The following CACNB4 variants were observed in gnomAD, a reference collection of about 807,000 sequenced individuals.
The protein encoded by CACNB4 is voltage-dependent L-type calcium channel subunit beta-4.
Under a neutral mutation model 71.2 loss-of-function variants are expected in CACNB4, and 32 were observed. That is an observed-to-expected ratio of 0.45 (90% CI 0.34 to 0.60). The LOEUF is 0.60. Ranked by LOEUF, CACNB4 falls within the 20% of genes least tolerant of loss-of-function variation. The probability of loss-of-function intolerance (pLI) is 0.01; values close to 1 mark genes in which losing one functional copy is unlikely to be tolerated. For synonymous variants in CACNB4, 231 were observed against 236.9 expected, an observed-to-expected ratio of 0.97 and a Z score of 0.23; for missense variants, 464 against 647.9, an observed-to-expected ratio of 0.72 and a Z score of 3.08.
intron 3 of CACNB4, 159 bp downstream of exon 3, chr2:151,883,092 C>T: frequency 1.5e-6 from 1 of 671,200 alleles, no homozygotes; most frequent in Non-Finnish European, 2.5e-6. Flanking sequence ...ATGTTACTAA[C>T]CTCACTTAGA....
intron 2 of CACNB4, among the ~76,000 whole-genome samples, chr2:152,053,390 C>T (rs972515775): frequency 9.2e-5 from 14 of 152,192 alleles, no homozygotes; most frequent in African/African-American, 2.9e-4. Flanking sequence ...GAGGGTGACA[C>T]GCCTGGAGAG....
At chr2:152,002,117 C>T (rs1560122828) in intron 2 of CACNB4, among the ~76,000 whole-genome samples, 1 of 152,218 alleles carries the variant, frequency 6.6e-6, no homozygotes, top group African/African-American at 2.4e-5. Flanking sequence ...AACAGCAATG[C>T]CGCACCTCCA....
chr2:152,042,773 C>T lies in CACNB4; in HGVS notation c.147+55557G>A, dbSNP rs144057757. 3.4e-4 allele frequency among the ~76,000 whole-genome samples: 52 copies of T among 152,088 alleles called. No homozygotes were observed. The East Asian group carries it at 5.2e-3, about 15-fold the overall frequency. On this transcript the variant is annotated intron_variant, in intron 2 of 13. Coordinates refer to ENST00000539935, the MANE Select transcript of CACNB4 (RefSeq NM_000726.5). ...GAATAGGAGCTGCGTAAAATAAGGC[C>T]GAGACCTACTGGGCTGCATTCCCAG...
rs575040562 is a variant in CACNB4, at chr2:151,892,537, A to AT, written c.148-9168dup. Reference sequence around the variant, plus strand: ...TATCTTTAAATAACTCTTTGGAATGATTTTTTTAAAAAACTGGCTAAAGTT... The same window carrying AT: ...TATCTTTAAATAACTCTTTGGAATGATTTTTTTTAAAAAACTGGCTAAAGTT... On this transcript the variant is annotated intron_variant, in intron 2 of 13. Coordinates refer to ENST00000539935, the MANE Select transcript of CACNB4 (RefSeq NM_000726.5). 1.7e-4 allele frequency among the ~76,000 whole-genome samples: 26 copies of AT among 152,240 alleles called. No homozygotes were observed. The East Asian group carries it at 2.5e-3, about 15-fold the overall frequency.
chr2:152,085,112 G>A (rs1488637699), intron 2 of CACNB4, among the ~76,000 whole-genome samples: 1 of 152,102 alleles, frequency 6.6e-6, no homozygotes, highest in Non-Finnish European at 1.5e-5. Flanking sequence ...AAGTGGAAAT[G>A]GGGAAAGCAC....
intron 2 of CACNB4, among the ~76,000 whole-genome samples, chr2:151,946,728 C>T (rs1427194184): frequency 6.6e-6 from 1 of 152,076 alleles, no homozygotes; most frequent in Admixed American, 6.6e-5. Context: ...GAAAGCAGGG[C>T]CAGCATGTCC....
chr2:151,892,587 T>A (rs1199303814), intron 2 of CACNB4, among the ~76,000 whole-genome samples: 4 of 152,174 alleles, frequency 2.6e-5, no homozygotes, highest in Non-Finnish European at 5.9e-5. Context: ...TGTGTATGCA[T>A]GGCTAACTGA....
At position 152,098,938 on chromosome 2, in the gene CACNB4, G is replaced by C; in HGVS notation, c.63+11C>G. The C allele has an allele frequency of 6.8e-7, 1 of 1,468,058 alleles. No homozygotes were observed. Among genetic ancestry groups the C allele is most frequent in the Non-Finnish European group, 9.1e-7 (1 of 1,096,854 alleles). 90.9% of individuals were successfully genotyped at this position (1,468,058 alleles called of 1,614,324 possible). On this transcript the variant is annotated intron_variant, in intron 1 of 13. Coordinates refer to ENST00000539935, the MANE Select transcript of CACNB4 (RefSeq NM_000726.5). This position sits in a 1 kb window ranked among gnomAD's most constrained non-coding sequence, Gnocchi z 5.3. Reference sequence around the variant, plus strand: ...AGGAGGAAGAGGAGAAGGGGGAGGAGGGGGCGGTACCTGCGAGGTGGGGGA... The same window carrying C: ...AGGAGGAAGAGGAGAAGGGGGAGGACGGGGCGGTACCTGCGAGGTGGGGGA...
At chr2:152,062,222 C>G (rs953016214) in intron 2 of CACNB4, among the ~76,000 whole-genome samples, 1 of 151,656 alleles carries the variant, frequency 6.6e-6, no homozygotes, top group Non-Finnish European at 1.5e-5. Flanking sequence ...CATGGAATTC[C>G]TAATGCATTA....
chr2:151,915,010 G>A (rs1185750951), intron 2 of CACNB4, among the ~76,000 whole-genome samples: 2 of 150,966 alleles, frequency 1.3e-5, no homozygotes, highest in Non-Finnish European at 2.9e-5. Flanking sequence ...CCTTGGTGGA[G>A]GGGGTGTGCT....
intron 5 of CACNB4, chr2:151,874,998 C>T (rs962002042): frequency 3.5e-5 from 14 of 400,454 alleles, no homozygotes; most frequent in East Asian, 1.8e-4. Context: ...CTATCAGTGC[C>T]GGGACCTGCA....
intron 2 of CACNB4, among the ~76,000 whole-genome samples, chr2:151,943,018 T>A (rs1295641155): frequency 1.3e-5 from 2 of 152,228 alleles, no homozygotes; most frequent in Non-Finnish European, 2.9e-5. Flanking sequence ...CTTAGAAGCA[T>A]GTGATCTTTG....
At chr2:151,847,787 G>A (rs1224004140) in intron 12 of CACNB4, among the ~76,000 whole-genome samples, 3 of 152,282 alleles carry the variant, frequency 2.0e-5, no homozygotes, top group Middle Eastern at 3.4e-3. Flanking sequence ...TTGGGAGGCT[G>A]AGGCAGGAGA....
chr2:151,887,766 T>C (rs1396493952), intron 2 of CACNB4, among the ~76,000 whole-genome samples: 1 of 152,180 alleles, frequency 6.6e-6, no homozygotes, highest in Admixed American at 6.5e-5. Context: ...TAGATAATAA[T>C]GTATACCTTG....
At chr2:151,859,351 C>G (rs1313325134) in intron 10 of CACNB4, 4 of 152,184 alleles carry the variant, frequency 2.6e-5, no homozygotes, top group Non-Finnish European at 5.9e-5. Flanking sequence ...GTCAGACAAC[C>G]TGGCTTAAGC....
At chr2:151,997,789 C>T (rs1164651329) in intron 2 of CACNB4, among the ~76,000 whole-genome samples, 1 of 152,142 alleles carries the variant, frequency 6.6e-6, no homozygotes, top group Non-Finnish European at 1.5e-5. Context: ...TTTACACCAC[C>T]GGCTTTGTAG....
chr2:151,907,653 T>C (rs1373672579), intron 2 of CACNB4, among the ~76,000 whole-genome samples: 1 of 152,216 alleles, frequency 6.6e-6, no homozygotes, highest in Non-Finnish European at 1.5e-5. Flanking sequence ...TTAGTGTGTG[T>C]TTTTTAAAAT....
intron 2 of CACNB4, chr2:151,968,804 A>G (rs982328705): frequency 2.6e-5 from 4 of 152,200 alleles, no homozygotes; most frequent in African/African-American, 9.7e-5. Flanking sequence ...AATAATAATA[A>G]CAGCAGCAGA....
rs375664225 is a variant in CACNB4, at chr2:151,887,035, G to T, written c.148-3665C>A. On this transcript the variant is annotated intron_variant, in intron 2 of 13. Coordinates refer to ENST00000539935, the MANE Select transcript of CACNB4 (RefSeq NM_000726.5). ...GGCTTAGTAAGAGCAGGACAGGTTG[G>T]AGAGGCGTCACCCAGATATCTGGCT... is the stretch of plus-strand genomic sequence containing the variant. Among the ~76,000 whole-genome samples, 35 of 152,290 alleles carry T rather than the reference G, an allele frequency of 2.3e-4. No homozygotes were observed. The East Asian group carries it at 6.2e-3, about 27-fold the overall frequency.
Sources: gnomAD v4.1 joint callset for allele counts (sites outside exome capture counted in the v4.1 genomes callset) on GRCh38, gnomAD v4.1.1 for gene constraint, Gnocchi (gnomAD v3.1) non-coding constraint, MANE v1.5 for transcripts, NCBI Gene and HGNC (gene_info 2026-07-23, HGNC 2026-07-21) for gene names.